Variants in NRXN3 observed in about 807,000 individuals in gnomAD.
The protein encoded by NRXN3 is neurexin 3.
NRXN3 carries 32 observed loss-of-function variants against 137.6 expected under a neutral mutation model. That is an observed-to-expected ratio of 0.23 (90% CI 0.18 to 0.31). NRXN3 has a LOEUF of 0.31. NRXN3 is among the 10% of genes least tolerant of loss of function. The pLI, the probability that NRXN3 is intolerant of heterozygous loss-of-function variation, is 1.00. For synonymous variants in NRXN3, 798 were observed against 784.5 expected, an observed-to-expected ratio of 1.02 and a Z score of -0.29; for missense variants, 1,574 against 2,062.5, an observed-to-expected ratio of 0.76 and a Z score of 4.59.
At chr14:78,966,471 T>G in intron 12 of NRXN3, 65 bp downstream of exon 12, 2 of 1,511,458 alleles carry the variant, frequency 1.3e-6, no homozygotes, top group South Asian at 2.6e-5. Flanking sequence ...ACGTAAAATA[T>G]GGACATAAAA....
intron 4 of NRXN3, among the ~76,000 whole-genome samples, chr14:78,544,045 A>G (rs551417448): frequency 6.6e-6 from 1 of 152,268 alleles, no homozygotes; most frequent in East Asian, 1.9e-4. Context: ...GGATTACTTC[A>G]TGGGGCATTA....
At chr14:78,237,538 T>A (rs73308593) in intron 1 of NRXN3, among the ~76,000 whole-genome samples, 1,576 of 152,304 alleles carry the variant, frequency 0.01, 19 homozygotes, top group African/African-American at 0.035. Flanking sequence ...ACTCTAATAA[T>A]TTGTTGATGT....
At chr14:79,235,684 G>A (rs1244196030) in intron 15 of NRXN3, among the ~76,000 whole-genome samples, 1 of 152,116 alleles carries the variant, frequency 6.6e-6, no homozygotes, top group Non-Finnish European at 1.5e-5. Flanking sequence ...GAAAGGAAAA[G>A]CATAGATCAG....
At chr14:78,575,125 G>T (rs1346332441) in intron 4 of NRXN3, among the ~76,000 whole-genome samples, 1 of 152,174 alleles carries the variant, frequency 6.6e-6, no homozygotes, top group Non-Finnish European at 1.5e-5. Flanking sequence ...CCTGTGAGGA[G>T]GTGACTTTTG....
At chr14:79,020,748 C>A (rs2099588238) in intron 15 of NRXN3, among the ~76,000 whole-genome samples, 1 of 151,904 alleles carries the variant, frequency 6.6e-6, no homozygotes, top group Non-Finnish European at 1.5e-5. Context: ...TCATGTACTC[C>A]ATTTAGTACA....
At chr14:79,489,914 C>T (rs1431470885) in intron 16 of NRXN3, among the ~76,000 whole-genome samples, 5 of 151,756 alleles carry the variant, frequency 3.3e-5, no homozygotes, top group Admixed American at 2.6e-4. Flanking sequence ...TGGCAGGCAC[C>T]TGTAGTCCCA....
At chr14:78,704,525 G>A (rs532431068) in intron 6 of NRXN3, among the ~76,000 whole-genome samples, 1 of 152,308 alleles carries the variant, frequency 6.6e-6, no homozygotes, top group African/African-American at 2.4e-5. Flanking sequence ...GAAATGGATT[G>A]TGCAGGAGGG....
At chr14:79,331,840 CTGTGTGTGTGTGTGTGTGTG>C (rs58746209) in intron 15 of NRXN3, among the ~76,000 whole-genome samples, 1 of 148,828 alleles carries the variant, frequency 6.7e-6, no homozygotes, top group African/African-American at 2.5e-5. Context: ...AAGGCTTTTG[CTGTGTGTGTGTGTGTGTGTG>C]TGTGTGTGTG....
intron 4 of NRXN3, among the ~76,000 whole-genome samples, chr14:78,426,353 G>T (rs1218810014): frequency 6.6e-6 from 1 of 152,192 alleles, no homozygotes; most frequent in Non-Finnish European, 1.5e-5. Context: ...TGACAGTAGG[G>T]ACTCTGCATT....
At position 79,381,593 on chromosome 14, in the gene NRXN3, G is replaced by T. The variant is rs377559715; in HGVS notation, c.3263-85628G>T. On this transcript the variant is annotated intron_variant, in intron 15 of 20. Coordinates refer to ENST00000335750, the MANE Select transcript of NRXN3 (RefSeq NM_001330195.2). ...GGGAAATTGTATTTTTTTCTTCTTT[G>T]TACCCAGGAGTCTATGTATAATGCA... is the stretch of plus-strand genomic sequence containing the variant. 4.6e-5 allele frequency among the ~76,000 whole-genome samples: 7 copies of T among 151,990 alleles called. No individual in the cohort carries two copies. In the East Asian group the frequency reaches 9.7e-4, roughly 21 times the overall value.
chr14:78,683,627 C>T (rs1049906313), intron 6 of NRXN3, among the ~76,000 whole-genome samples: 12 of 152,212 alleles, frequency 7.9e-5, no homozygotes, highest in South Asian at 4.1e-4. Flanking sequence ...AGCAAGATTC[C>T]GCAGATTGCA....
At chr14:78,712,843 G>A (rs946949877) in intron 7 of NRXN3, among the ~76,000 whole-genome samples, 2 of 152,294 alleles carry the variant, frequency 1.3e-5, no homozygotes, top group South Asian at 2.1e-4. Flanking sequence ...GATTACAGGC[G>A]TGAGCCACCA....
chr14:79,848,412 C>T (rs1424924192), intron 20 of NRXN3, among the ~76,000 whole-genome samples: 1 of 152,166 alleles, frequency 6.6e-6, no homozygotes, highest in South Asian at 2.1e-4. Flanking sequence ...TGGCCCAACA[C>T]AAATTTGTAA....
At chr14:78,447,330 T>A (rs1316666695) in intron 4 of NRXN3, among the ~76,000 whole-genome samples, 2 of 152,270 alleles carry the variant, frequency 1.3e-5, no homozygotes, top group Non-Finnish European at 2.9e-5. Context: ...CTCATTCTTT[T>A]AATCATACAT....
intron 15 of NRXN3, among the ~76,000 whole-genome samples, chr14:79,309,724 T>C (rs1387513629): frequency 1.3e-5 from 2 of 148,184 alleles, no homozygotes; most frequent in Non-Finnish European, 3.0e-5. Context: ...GCTGCATAAA[T>C]GTCTTCTTTT....
At chr14:79,460,610 G>A (rs2096322283) in intron 15 of NRXN3, among the ~76,000 whole-genome samples, 1 of 152,080 alleles carries the variant, frequency 6.6e-6, no homozygotes, top group African/African-American at 2.4e-5. Flanking sequence ...CTGGAATATT[G>A]GGACATGCTC....
At chr14:79,772,690 G>T (rs2099082780) in intron 19 of NRXN3, among the ~76,000 whole-genome samples, 1 of 152,096 alleles carries the variant, frequency 6.6e-6, no homozygotes, top group Non-Finnish European at 1.5e-5. Flanking sequence ...GAAAACCTAG[G>T]CATTACCATT....
chr14:79,198,675 C>G (rs1342331725), intron 15 of NRXN3, among the ~76,000 whole-genome samples: 1 of 152,182 alleles, frequency 6.6e-6, no homozygotes, highest in East Asian at 1.9e-4. Flanking sequence ...TTCCATTCAA[C>G]TAGGTCAGTG....
At chr14:79,224,824 G>A (rs77012294) in intron 15 of NRXN3, among the ~76,000 whole-genome samples, 4,191 of 152,228 alleles carry the variant, frequency 0.028, 138 homozygotes, top group South Asian at 0.086. Context: ...GAATTACTCC[G>A]TAGGAAGGCA....
Sources: gnomAD v4.1 joint callset for allele counts (sites outside exome capture counted in the v4.1 genomes callset) on GRCh38, gnomAD v4.1.1 for gene constraint, MANE v1.5 for transcripts, NCBI Gene and HGNC (gene_info 2026-07-23, HGNC 2026-07-21) for gene names.